The following EFCAB11 variants were observed in gnomAD, a reference collection of about 807,000 sequenced individuals.
EFCAB11 encodes EF-hand calcium-binding domain-containing protein 11.
Under a neutral mutation model 23.0 loss-of-function variants are expected in EFCAB11, and 14 were observed. The ratio of observed to expected loss-of-function variants is 0.61; its 90% confidence interval spans 0.40 to 0.95. The LOEUF is 0.95. EFCAB11 is among the 40% of genes least tolerant of loss of function. EFCAB11 has a pLI of 0.00. For synonymous variants in EFCAB11, 65 were observed against 66.6 expected (o/e 0.98, Z 0.11); for missense variants, 198 against 195.8 (o/e 1.01, Z -0.07).
At chr14:89,919,897 G>C (rs966536493) in intron 5 of EFCAB11, among the ~76,000 whole-genome samples, 1 of 152,136 alleles carries the variant, frequency 6.6e-6, no homozygotes, top group Non-Finnish European at 1.5e-5. Context: ...AGCAGATAAT[G>C]TGGCCCAGCT....
At chr14:89,893,828 G>A (rs1404671944) in intron 5 of EFCAB11, among the ~76,000 whole-genome samples, 1 of 150,944 alleles carries the variant, frequency 6.6e-6, no homozygotes, top group East Asian at 1.9e-4. Flanking sequence ...TAGTAAACTT[G>A]GGTTTATATC....
At chr14:89,853,723 C>T (rs1887665115) in intron 5 of EFCAB11, among the ~76,000 whole-genome samples, 1 of 152,172 alleles carries the variant, frequency 6.6e-6, no homozygotes, top group South Asian at 2.1e-4. Flanking sequence ...ATGTCACATC[C>T]AATTTCTTTA....
chr14:89,932,947 T>C (rs1257870518), intron 3 of EFCAB11, among the ~76,000 whole-genome samples: 1 of 152,222 alleles, frequency 6.6e-6, no homozygotes, highest in Non-Finnish European at 1.5e-5. Context: ...ACAGATCTAA[T>C]AGGCATGAAA....
chr14:89,890,892 T>C (rs894357150), intron 5 of EFCAB11, among the ~76,000 whole-genome samples: 1 of 152,180 alleles, frequency 6.6e-6, no homozygotes, highest in Non-Finnish European at 1.5e-5. Context: ...TTTCCCACAT[T>C]AAGCTGAAAT....
At chr14:89,846,020 G>A (rs1887420347) in intron 5 of EFCAB11, among the ~76,000 whole-genome samples, 1 of 152,178 alleles carries the variant, frequency 6.6e-6, no homozygotes, top group African/African-American at 2.4e-5. Context: ...CAAGCTGAGT[G>A]ACCTTGGGCA....
intron 5 of EFCAB11, among the ~76,000 whole-genome samples, chr14:89,894,084 A>G (rs1466624083): frequency 1.3e-5 from 2 of 151,516 alleles, no homozygotes; most frequent in East Asian, 1.9e-4. Context: ...GGTTCACGCC[A>G]TTCTCCTGTG....
At chr14:89,856,625 C>T (rs1360772395) in intron 5 of EFCAB11, among the ~76,000 whole-genome samples, 1 of 152,182 alleles carries the variant, frequency 6.6e-6, no homozygotes, top group Non-Finnish European at 1.5e-5. Context: ...TAATAGCCAT[C>T]CTAACAGCTA....
chr14:89,804,066 T>C (rs1032769532), intron 5 of EFCAB11, among the ~76,000 whole-genome samples: 2 of 152,238 alleles, frequency 1.3e-5, no homozygotes, highest in Non-Finnish European at 1.5e-5. Context: ...TCCCACGCTA[T>C]GCAACCTCCT....
At chr14:89,941,013 AACACT>A (rs1006602763) in intron 3 of EFCAB11, among the ~76,000 whole-genome samples, 81 of 152,204 alleles carry the variant, frequency 5.3e-4, no homozygotes, top group African/African-American at 1.9e-3. Context: ...CCTGACATTA[AACACT>A]GGTCTACATT....
intron 5 of EFCAB11, among the ~76,000 whole-genome samples, chr14:89,917,088 G>A (rs1157472457): frequency 1.5e-5 from 2 of 133,536 alleles, no homozygotes; most frequent in Non-Finnish European, 3.1e-5. Context: ...GTGTGTGTGT[G>A]TGTGTGTGTA....
Position 89,855,747 on chromosome 14 carries a change from C to G in EFCAB11, c.411-58423G>C, listed in dbSNP as rs11849017. ...GCTTGTTCTTCCTACACATCTGCTA[C>G]TTTGTATCCTCTGACCTGTATCTCC... is the stretch of plus-strand genomic sequence containing the variant. On this transcript the variant is annotated intron_variant, in intron 5 of 5. Transcript: ENST00000316738. 4.2e-3 allele frequency among the ~76,000 whole-genome samples: 644 copies of G among 152,304 alleles called. 6 individuals are homozygous for G. Among genetic ancestry groups the G allele is most frequent in the African/African-American group, 0.015 (607 of 41,562 alleles).
At chr14:89,824,249 G>A (rs1886620587) in intron 5 of EFCAB11, among the ~76,000 whole-genome samples, 1 of 151,854 alleles carries the variant, frequency 6.6e-6, no homozygotes, top group African/African-American at 2.4e-5. Flanking sequence ...AGACACCATG[G>A]GAACCAGTTA....
intron 3 of EFCAB11, among the ~76,000 whole-genome samples, chr14:89,941,909 C>T (rs1021504908): frequency 1.3e-5 from 2 of 152,040 alleles, no homozygotes; most frequent in Non-Finnish European, 2.9e-5. Flanking sequence ...CCTTACCCTA[C>T]CCAAATCTCA....
chr14:89,811,589 G>C (rs1416196570), intron 5 of EFCAB11, among the ~76,000 whole-genome samples: 1 of 152,152 alleles, frequency 6.6e-6, no homozygotes, highest in Non-Finnish European at 1.5e-5. Flanking sequence ...GGGCGTACAA[G>C]AATCAGAGGA....
At chr14:89,860,075 T>C (rs1401492571) in intron 5 of EFCAB11, among the ~76,000 whole-genome samples, 3 of 152,068 alleles carry the variant, frequency 2.0e-5, no homozygotes, top group Non-Finnish European at 4.4e-5. Flanking sequence ...CTAAAAGATA[T>C]CTTCAGGGCC....
intron 5 of EFCAB11, among the ~76,000 whole-genome samples, chr14:89,837,404 C>T (rs1887121233): frequency 6.6e-6 from 1 of 152,038 alleles, no homozygotes; most frequent in Non-Finnish European, 1.5e-5. Flanking sequence ...TACTTTCCTC[C>T]AGATACAGCT....
intron 5 of EFCAB11, among the ~76,000 whole-genome samples, chr14:89,865,207 C>G (rs1221087987): frequency 1.3e-5 from 2 of 152,204 alleles, no homozygotes; most frequent in African/African-American, 2.4e-5. Flanking sequence ...GATCAAATTG[C>G]ACCAGAGGCA....
intron 5 of EFCAB11, among the ~76,000 whole-genome samples, chr14:89,865,653 C>A (rs987326043): frequency 6.6e-6 from 1 of 151,870 alleles, no homozygotes; most frequent in Non-Finnish European, 1.5e-5. Flanking sequence ...AGGCGCATGC[C>A]ACCATGTCTG....
chr14:89,915,855 G>T (rs188422376), intron 5 of EFCAB11, among the ~76,000 whole-genome samples: 2 of 152,088 alleles, frequency 1.3e-5, no homozygotes, highest in African/African-American at 4.8e-5. Flanking sequence ...TAATTTAACC[G>T]GAAATAAAAA....
Sources: allele counts gnomAD v4.1 joint callset (sites outside exome capture counted in the v4.1 genomes callset), GRCh38; gene constraint gnomAD v4.1.1; transcripts MANE v1.5; gene names NCBI Gene and HGNC (gene_info 2026-07-23, HGNC 2026-07-21).